The following IPCEF1 variants were observed in gnomAD, a reference collection of about 807,000 sequenced individuals.
IPCEF1 encodes the protein interaction protein for cytohesin exchange factors 1, also known as interactor protein for cytohesin exchange factors 1.
IPCEF1 carries 31 observed loss-of-function variants against 50.9 expected under a neutral mutation model. That is an observed-to-expected ratio of 0.61 (90% CI 0.46 to 0.82). The LOEUF (loss-of-function observed/expected upper bound fraction) is 0.82, where lower values mean the gene tolerates loss of function less well. Among genes scored for constraint, IPCEF1 ranks in the 40% least tolerant of loss-of-function variants. The probability of loss-of-function intolerance (pLI) is 0.00; values close to 1 mark genes in which losing one functional copy is unlikely to be tolerated. For missense variants in IPCEF1, 458 were observed against 514.0 expected (o/e 0.89, Z 1.05); for synonymous variants, 181 against 192.0 (o/e 0.94, Z 0.47).
intron 1 of IPCEF1, among the ~76,000 whole-genome samples, chr6:154,336,706 C>T (rs1248401890): frequency 6.6e-6 from 1 of 152,112 alleles, no homozygotes; most frequent in Non-Finnish European, 1.5e-5. Flanking sequence ...CAGTCTCAAG[C>T]TATCCTCCTG....
At chr6:154,235,066 A>G (rs557631689) in intron 5 of IPCEF1, among the ~76,000 whole-genome samples, 1 of 152,376 alleles carries the variant, frequency 6.6e-6, no homozygotes, top group South Asian at 2.1e-4. Context: ...AAGCTTTTAA[A>G]TGAATCAGAA....
chr6:154,327,273 T>C (rs1038702822), intron 1 of IPCEF1, among the ~76,000 whole-genome samples: 16 of 152,134 alleles, frequency 1.1e-4, no homozygotes, highest in Admixed American at 3.9e-4. Flanking sequence ...TCAGAGTGAA[T>C]AGAAAATCTA....
At chr6:154,276,821 G>A (rs945498084) in intron 2 of IPCEF1, among the ~76,000 whole-genome samples, 1 of 152,202 alleles carries the variant, frequency 6.6e-6, no homozygotes, top group African/African-American at 2.4e-5. Context: ...GGCAAGACAT[G>A]CAGTAGGCAC....
chr6:154,324,770 T>C (rs1783478980), intron 1 of IPCEF1, among the ~76,000 whole-genome samples: 1 of 152,176 alleles, frequency 6.6e-6, no homozygotes, highest in African/African-American at 2.4e-5. Context: ...ATCGCGCTAC[T>C]GTACTCCAGC....
chr6:154,220,818 G>A (rs1310133690), intron 7 of IPCEF1, among the ~76,000 whole-genome samples: 5 of 152,222 alleles, frequency 3.3e-5, no homozygotes, highest in Non-Finnish European at 7.3e-5. Context: ...AAGGCGTTTT[G>A]CAATATGTTC....
chr6:154,264,428 C>T (rs930066817), intron 3 of IPCEF1, among the ~76,000 whole-genome samples: 3 of 151,976 alleles, frequency 2.0e-5, no homozygotes, highest in Non-Finnish European at 2.9e-5. Context: ...GGCTGCAGTG[C>T]AGTGACAGAT....
chr6:154,344,822 CTTT>C (rs1446241272), intron 1 of IPCEF1, among the ~76,000 whole-genome samples: 1 of 152,138 alleles, frequency 6.6e-6, no homozygotes, highest in African/African-American at 2.4e-5. Context: ...CTCTCTCTAA[CTTT>C]TAGCATACTT....
chr6:154,162,740 T>C (rs1799125058), intron 11 of IPCEF1, among the ~76,000 whole-genome samples: 1 of 152,182 alleles, frequency 6.6e-6, no homozygotes, highest in Admixed American at 6.5e-5. Flanking sequence ...AAGAAATCTC[T>C]CCCACTCTCC....
intron 1 of IPCEF1, among the ~76,000 whole-genome samples, chr6:154,325,999 G>T (rs999890183): frequency 2.0e-5 from 3 of 152,106 alleles, no homozygotes; most frequent in Non-Finnish European, 2.9e-5. Context: ...GCCGAGGCAG[G>T]TGGATCCCTT....
At position 154,299,801 on chromosome 6, in the gene IPCEF1, G is replaced by A. The variant is rs539662800; in HGVS notation, c.-61-10045C>T. On this transcript the variant is annotated intron_variant, in intron 1 of 11. Coordinates refer to ENST00000367220, the MANE Select transcript of IPCEF1 (RefSeq NM_001130700.2). ...AAGATGGGTTGATGGATGGATAGAG[G>A]GATGGATAAAAGGACTGATAAGCAA... Among the ~76,000 whole-genome samples the A allele has an allele frequency of 1.4e-5, 2 of 139,168 alleles. 1 individual carries two copies. The highest frequency in any genetic ancestry group is 4.0e-4 in the East Asian group (2 of 5,008). The allele number at this position is 139,168 out of a possible 152,430, so 91.3% of individuals were successfully genotyped here.
At chr6:154,277,072 G>A (rs1782081549) in intron 2 of IPCEF1, among the ~76,000 whole-genome samples, 1 of 152,222 alleles carries the variant, frequency 6.6e-6, no homozygotes, top group South Asian at 2.1e-4. Context: ...CATGCAGCTT[G>A]TTTGGGAATT....
At chr6:154,180,410 A>ATTT (rs1203931756) in intron 10 of IPCEF1, among the ~76,000 whole-genome samples, 63 of 40,412 alleles carry the variant, frequency 1.6e-3, no homozygotes, top group South Asian at 6.7e-3. Flanking sequence ...ATATATATAT[A>ATTT]TATATTTTTT....
In IPCEF1 at chr6:154,264,310, G is replaced by A. The variant is rs527606623; in HGVS notation, c.36+1602C>T. Among the ~76,000 whole-genome samples the A allele has an allele frequency of 4.6e-5, 7 of 152,060 alleles. No homozygotes were observed. The South Asian group carries it at 1.5e-3, about 32-fold the overall frequency. On this transcript the variant is annotated intron_variant, in intron 3 of 11. Transcript: ENST00000367220. ...ATTCAGGCCTGTGTGTGCTGGTGAG[G>A]CCATCCTCCCAGTTGAGTTAATTTT...
chr6:154,245,908 A>C (rs1780996931), intron 5 of IPCEF1, among the ~76,000 whole-genome samples: 1 of 152,232 alleles, frequency 6.6e-6, no homozygotes, highest in Non-Finnish European at 1.5e-5. Flanking sequence ...CCATTTTCAA[A>C]AGAAAACTAG....
chr6:154,246,712 T>C lies in IPCEF1; in HGVS notation c.125A>G (p.His42Arg). The C allele has an allele frequency of 1.2e-6, 2 of 1,614,092 alleles. No individual in the cohort carries two copies. The highest frequency in any genetic ancestry group is 1.3e-5 in the African/African-American group (1 of 75,032). ...ATACAGCCACCCTTGGCAGTCAGCA[T>C]GGCCCAGATCTTTACACGATATCCT... Reference protein sequence around the residue: ...RRRISCKDLGHADCQGWLYKK... With the variant: ...RRRISCKDLGRADCQGWLYKK... The change falls in exon 5 of 12, where the codon CAT becomes CGT. Residue 42 changes from histidine to arginine, a missense_variant. By Grantham distance (29) the His-to-Arg change is conservative. Transcript: ENST00000367220.
intron 1 of IPCEF1, among the ~76,000 whole-genome samples, chr6:154,324,812 C>A (rs2128689660): frequency 6.6e-6 from 1 of 151,698 alleles, no homozygotes; most frequent in Non-Finnish European, 1.5e-5. Context: ...TGTCTCGAAA[C>A]AAACAAAAAA....
At chr6:154,189,970 C>T (rs1204422579) in intron 10 of IPCEF1, among the ~76,000 whole-genome samples, 2 of 151,616 alleles carry the variant, frequency 1.3e-5, no homozygotes, top group Non-Finnish European at 2.9e-5. Flanking sequence ...TCACACCGTA[C>T]CACATTAATA....
chr6:154,197,276 T>TA lies in IPCEF1; in HGVS notation c.910+2391dup, dbSNP rs199782506. On this transcript the variant is annotated intron_variant, in intron 10 of 11. Coordinates refer to ENST00000367220, the MANE Select transcript of IPCEF1 (RefSeq NM_001130700.2). Reference sequence around the variant, plus strand: ...TGTCTGCAACACATAAACACACATGTAAAAAAAAATGCACAATATGAAATT... The same window carrying TA: ...TGTCTGCAACACATAAACACACATGTAAAAAAAAAATGCACAATATGAAATT... 3.0e-4 allele frequency among the ~76,000 whole-genome samples: 46 copies of TA among 151,058 alleles called. No individual in the cohort carries two copies. In the East Asian group the frequency reaches 5.4e-3, roughly 18 times the overall value.
chr6:154,345,953 C>T (rs2128699984), intron 1 of IPCEF1, among the ~76,000 whole-genome samples: 1 of 152,192 alleles, frequency 6.6e-6, no homozygotes, highest in Non-Finnish European at 1.5e-5. Flanking sequence ...GCAAACTCCA[C>T]CTCCCAGGCT....
Sources: gnomAD v4.1 joint callset for allele counts (sites outside exome capture counted in the v4.1 genomes callset) on GRCh38, gnomAD v4.1.1 for gene constraint, MANE v1.5 for transcripts, NCBI Gene and HGNC (gene_info 2026-07-23, HGNC 2026-07-21) for gene names.